The following LSAMP variants were observed in gnomAD, a reference collection of about 807,000 sequenced individuals.
LSAMP encodes limbic system associated membrane protein.
A neutral mutation model predicts 38.6 loss-of-function variants in LSAMP; 7 were observed. The observed-to-expected ratio is 0.18, with a 90% CI of 0.10 to 0.34. The LOEUF (loss-of-function observed/expected upper bound fraction) is 0.34, where lower values mean the gene tolerates loss of function less well. Among genes scored for constraint, LSAMP ranks in the 10% least tolerant of loss-of-function variants. The pLI, the probability that LSAMP is intolerant of heterozygous loss-of-function variation, is 1.00. For synonymous variants in LSAMP, 154 were observed against 166.8 expected, an observed-to-expected ratio of 0.92 and a Z score of 0.59; for missense variants, 313 against 420.0, an observed-to-expected ratio of 0.75 and a Z score of 2.23.
Position 115,809,086 on chromosome 3 carries a change from C to T in LSAMP, c.*1231G>A, listed in dbSNP as rs1933722060. ...GGGGATTTACTCAACACATGCTGCT[C>T]ATTTTCACAGTGGAGCAGGGCCTAC... On this transcript the variant is annotated 3_prime_UTR_variant, in exon 7 of 7. Coordinates refer to ENST00000490035, the MANE Select transcript of LSAMP (RefSeq NM_002338.5). 6.6e-6 allele frequency: 1 copy of T among 152,174 alleles called. No homozygotes were observed. The highest frequency in any genetic ancestry group is 2.4e-5 in the African/African-American group (1 of 41,432). The allele number at this position is 152,174 out of a possible 1,614,324, so 9.4% of individuals were successfully genotyped here.
chr3:116,028,679 A>G (rs956419996), intron 2 of LSAMP, among the ~76,000 whole-genome samples: 6 of 152,166 alleles, frequency 3.9e-5, no homozygotes, highest in African/African-American at 1.4e-4. Context: ...TTACATACTA[A>G]AACTAGCTAA....
intron 1 of LSAMP, among the ~76,000 whole-genome samples, chr3:116,423,915 G>T (rs1012918687): frequency 3.3e-5 from 5 of 152,106 alleles, no homozygotes; most frequent in Non-Finnish European, 7.4e-5. Flanking sequence ...AGATCAAAAA[G>T]AAAATATCAG....
intron 1 of LSAMP, among the ~76,000 whole-genome samples, chr3:116,267,254 G>T (rs1028375259): frequency 5.9e-5 from 9 of 152,044 alleles, no homozygotes; most frequent in Non-Finnish European, 1.3e-4. Context: ...AAATGTAAGT[G>T]AACTTTGAAC....
intron 1 of LSAMP, among the ~76,000 whole-genome samples, chr3:116,094,019 T>G (rs1211700391): frequency 6.6e-6 from 1 of 152,192 alleles, no homozygotes; most frequent in Non-Finnish European, 1.5e-5. Context: ...ATATCCCAGA[T>G]TCTCCTGAGT....
At chr3:116,247,936 T>C (rs1020959432) in intron 1 of LSAMP, among the ~76,000 whole-genome samples, 1 of 152,222 alleles carries the variant, frequency 6.6e-6, no homozygotes, top group African/African-American at 2.4e-5. Flanking sequence ...TTTCAGATCA[T>C]GTCAGGTTTA....
intron 1 of LSAMP, among the ~76,000 whole-genome samples, chr3:116,229,791 T>C (rs906395296): frequency 9.9e-5 from 15 of 152,132 alleles, no homozygotes; most frequent in African/African-American, 3.4e-4. Flanking sequence ...TCAGGAGTCA[T>C]TAGGCCAGAT....
chr3:116,098,199 G>T (rs759301531), intron 1 of LSAMP, among the ~76,000 whole-genome samples: 1 of 152,012 alleles, frequency 6.6e-6, no homozygotes, highest in Non-Finnish European at 1.5e-5. Context: ...CACGATGGAT[G>T]CGTATAAATC....
At chr3:116,425,734 T>C (rs1370851491) in intron 1 of LSAMP, among the ~76,000 whole-genome samples, 5 of 151,436 alleles carry the variant, frequency 3.3e-5, no homozygotes, top group Non-Finnish European at 7.4e-5. Flanking sequence ...TGCCTATAAG[T>C]CCATAAATAA....
chr3:116,182,815 T>C (rs1467023094), intron 1 of LSAMP, among the ~76,000 whole-genome samples: 3 of 151,800 alleles, frequency 2.0e-5, no homozygotes, highest in African/African-American at 4.8e-5. Flanking sequence ...ATAATAGATA[T>C]ATTTCTTGAG....
rs71141863 is a variant in LSAMP, at chr3:116,222,720, C to CTTT, written c.156-136167_156-136165dup. On this transcript the variant is annotated intron_variant, in intron 1 of 6. Coordinates refer to ENST00000490035, the MANE Select transcript of LSAMP (RefSeq NM_002338.5). ...TTTTTTGCTCACCTTTCATCCTCTCCTTTTTTTTTTTTTTTTTTTTTTTTT... is the reference window on the plus strand; with the variant it reads ...TTTTTTGCTCACCTTTCATCCTCTCCTTTTTTTTTTTTTTTTTTTTTTTTTTTT... 4.5e-3 allele frequency among the ~76,000 whole-genome samples: 224 copies of CTTT among 49,940 alleles called. 53 individuals are homozygous for CTTT. Among genetic ancestry groups the CTTT allele is most frequent in the Non-Finnish European group, 6.1e-3 (175 of 28,908 alleles). The allele number at this position is 49,940 out of a possible 152,430, so 32.8% of individuals were successfully genotyped here. A position where few individuals can be genotyped will look rare whatever the true frequency, so the allele number is the denominator to read the frequency against.
At chr3:115,960,408 T>G (rs1938587827) in intron 3 of LSAMP, among the ~76,000 whole-genome samples, 1 of 152,228 alleles carries the variant, frequency 6.6e-6, no homozygotes, top group South Asian at 2.1e-4. Flanking sequence ...TTTCAAATTT[T>G]AGTTTAATTC....
rs546671694 is a variant in LSAMP, at chr3:115,861,672, G to A, written c.515-9055C>T. ...TGACTTCCTAAGTGTGAATGCAGGT[G>A]GAATCACTTGGCGAATTAGGAGGGG... On this transcript the variant is annotated intron_variant, in intron 3 of 6. Coordinates refer to ENST00000490035, the MANE Select transcript of LSAMP (RefSeq NM_002338.5). Among the ~76,000 whole-genome samples, 168 of 152,264 alleles carry A rather than the reference G, an allele frequency of 1.1e-3. 1 individual carries two copies. The highest frequency in any genetic ancestry group is 3.9e-3 in the African/African-American group (164 of 41,544).
intron 1 of LSAMP, among the ~76,000 whole-genome samples, chr3:116,393,977 T>C (rs914229820): frequency 5.3e-5 from 8 of 152,228 alleles, no homozygotes; most frequent in African/African-American, 1.9e-4. Context: ...AATGAGTCTT[T>C]AGTTGGGACT....
intron 1 of LSAMP, among the ~76,000 whole-genome samples, chr3:116,155,622 GGTGTGTGTGTGTGTATATGTGT>G (rs1234104051): frequency 1.6e-5 from 2 of 123,830 alleles, no homozygotes; most frequent in African/African-American, 5.4e-5. Context: ...TATACAAGAG[GGTGTGTGTGTGTGTATATGTGT>G]GTGTGTGTGT....
At chr3:115,871,968 A>G (rs1936052142) in intron 3 of LSAMP, among the ~76,000 whole-genome samples, 1 of 152,136 alleles carries the variant, frequency 6.6e-6, no homozygotes, top group Non-Finnish European at 1.5e-5. Context: ...ACAAGTGTAC[A>G]ATTCAGCTGG....
chr3:115,917,159 A>C (rs1937269445), intron 3 of LSAMP, among the ~76,000 whole-genome samples: 1 of 152,202 alleles, frequency 6.6e-6, no homozygotes, highest in Admixed American at 6.5e-5. Context: ...GATATTTCCT[A>C]GGTTGGGAAA....
chr3:116,014,450 T>C (rs1191283718), intron 3 of LSAMP, among the ~76,000 whole-genome samples: 1 of 152,168 alleles, frequency 6.6e-6, no homozygotes, highest in Non-Finnish European at 1.5e-5. Context: ...GATTGTTCTT[T>C]ATCTATTTTC....
Position 116,398,544 on chromosome 3 carries a change from G to C in LSAMP, c.155+46333C>G, listed in dbSNP as rs1054764500. Among the ~76,000 whole-genome samples the C allele has an allele frequency of 2.6e-5, 4 of 152,174 alleles. No individual in the cohort carries two copies. In the East Asian group the frequency reaches 7.7e-4, roughly 29 times the overall value. On this transcript the variant is annotated intron_variant, in intron 1 of 6. Transcript: ENST00000490035. ...CTTATTTGTTTTGATGAAATAGAAA[G>C]AGACGGTCCTTGGACTATGCAGCAC...
chr3:116,105,826 A>G (rs1358470712), intron 1 of LSAMP, among the ~76,000 whole-genome samples: 1 of 152,008 alleles, frequency 6.6e-6, no homozygotes, highest in African/African-American at 2.4e-5. Context: ...AAAATAAAAC[A>G]AAATAGTGTT....
Sources: gnomAD v4.1 joint callset for allele counts (sites outside exome capture counted in the v4.1 genomes callset) on GRCh38, gnomAD v4.1.1 for gene constraint, MANE v1.5 for transcripts, NCBI Gene and HGNC (gene_info 2026-07-23, HGNC 2026-07-21) for gene names.